Variants in LRRK2 observed in about 807,000 individuals in gnomAD.
The protein encoded by LRRK2 is leucine rich repeat kinase 2.
In LRRK2, 203 loss-of-function variants were observed where a neutral mutation model predicts 302.6. The ratio of observed to expected loss-of-function variants is 0.67; its 90% CI spans 0.60 to 0.75. The LOEUF is 0.75. Among genes scored for constraint, LRRK2 ranks in the 30% least tolerant of loss-of-function variants. The pLI is 0.00. For missense variants in LRRK2, 2,830 were observed against 2,951.0 expected (o/e 0.96, Z 0.95); for synonymous variants, 1,066 against 1,031.9 (o/e 1.03, Z -0.63).
chr12:40,243,031 A>C (rs1307201282), intron 6 of LRRK2, among the ~76,000 whole-genome samples: 3 of 151,580 alleles, frequency 2.0e-5, no homozygotes, highest in Non-Finnish European at 2.9e-5. Context: ...TTTACCAACA[A>C]GAAAACTGAC....
intron 46 of LRRK2, among the ~76,000 whole-genome samples, chr12:40,356,555 T>C (rs370670879): frequency 6.6e-6 from 1 of 152,206 alleles, no homozygotes; most frequent in African/African-American, 2.4e-5. Flanking sequence ...TTCTTAAGCA[T>C]TGAAGAAATC....
chr12:40,275,101 A>T, intron 16 of LRRK2, 108 bp downstream of exon 16: 1 of 1,201,654 alleles, frequency 8.3e-7, no homozygotes, highest in Non-Finnish European at 1.2e-6. Flanking sequence ...GTTAATGGAA[A>T]ACCATTTATC....
At position 40,275,035 on chromosome 12, in the gene LRRK2, A is replaced by T; in HGVS notation, c.1941+42A>T. 4 of 1,611,760 alleles carry T rather than the reference A, an allele frequency of 2.5e-6. No individual in the cohort carries two copies. The South Asian group carries it at 3.3e-5, about 13-fold the overall frequency. ...GGAAAGAATTTGGGAACTTGTGCGA[A>T]TTTCACTTTTGGAGCAGTTTGTGTA... On this transcript the variant is annotated intron_variant, in intron 16 of 50. Transcript: ENST00000298910.
In LRRK2 at chr12:40,350,249, TG is replaced by T. The variant is rs576840022; in HGVS notation, c.6382-1287del. Among the ~76,000 whole-genome samples the T allele has an allele frequency of 1.1e-4, 16 of 152,304 alleles. 1 individual carries two copies. The East Asian group carries it at 3.1e-3, about 29-fold the overall frequency. The stretch of plus-strand genomic sequence containing the variant: ...GCCCTAGACTCCAACTTCTCTCCCA[TG>T]GGCCCCACAAAGCATCCAAGAGTAT... On this transcript the variant is annotated intron_variant, in intron 43 of 50. Transcript: ENST00000298910.
chr12:40,236,989 G>A (rs945352966), intron 4 of LRRK2, among the ~76,000 whole-genome samples: 51 of 152,126 alleles, frequency 3.4e-4, no homozygotes, highest in African/African-American at 1.1e-3. Context: ...TCCTATTCCA[G>A]TATTATTATT....
At chr12:40,323,499 A>T (rs1397246520) in intron 38 of LRRK2, among the ~76,000 whole-genome samples, 193 bp downstream of exon 38, 2 of 152,136 alleles carry the variant, frequency 1.3e-5, no homozygotes, top group Non-Finnish European at 2.9e-5. Flanking sequence ...GCACATAATC[A>T]TGTAGACTAG....
intron 38 of LRRK2, among the ~76,000 whole-genome samples, chr12:40,324,430 G>C (rs956876220): frequency 6.6e-6 from 1 of 152,098 alleles, no homozygotes; most frequent in African/African-American, 2.4e-5. Context: ...TTAACTGTAG[G>C]CTGACATACT....
In LRRK2 at chr12:40,309,043, T is replaced by G. The variant is rs556436418; in HGVS notation, c.4190-63T>G. On this transcript the variant is annotated intron_variant, in intron 29 of 50. Coordinates refer to ENST00000298910, the MANE Select transcript of LRRK2 (RefSeq NM_198578.4). ...AGTATTATTCTCCCAGATTTTTTTTTAAAAAAGGATTCTTGCCTGTCGTTT... is the reference window on the plus strand; with the variant it reads ...AGTATTATTCTCCCAGATTTTTTTTGAAAAAAGGATTCTTGCCTGTCGTTT... 18 of 1,432,290 alleles carry G rather than the reference T, an allele frequency of 1.3e-5. No homozygotes were observed. The South Asian group carries it at 1.8e-4, about 15-fold the overall frequency. 88.7% of individuals were successfully genotyped at this position (1,432,290 alleles called of 1,614,324 possible).
chr12:40,277,426 C>A (rs544599904), intron 16 of LRRK2, among the ~76,000 whole-genome samples: 1 of 152,082 alleles, frequency 6.6e-6, no homozygotes, highest in African/African-American at 2.4e-5. Flanking sequence ...ATAAACATTT[C>A]GGAAGACAGC....
intron 14 of LRRK2, among the ~76,000 whole-genome samples, chr12:40,266,455 C>A (rs948202807): frequency 6.6e-6 from 1 of 152,148 alleles, no homozygotes; most frequent in African/African-American, 2.4e-5. Flanking sequence ...CAATGATATA[C>A]CATCTCACAC....
At chr12:40,342,817 A>G (rs915816396) in intron 41 of LRRK2, among the ~76,000 whole-genome samples, 1 of 152,144 alleles carries the variant, frequency 6.6e-6, no homozygotes, top group Admixed American at 6.5e-5. Context: ...TTTTGGGTGT[A>G]TTTTTATACT....
intron 14 of LRRK2, among the ~76,000 whole-genome samples, chr12:40,264,695 C>T (rs536373972): frequency 7.9e-5 from 12 of 152,214 alleles, no homozygotes; most frequent in South Asian, 4.1e-4. Context: ...CATTGTTCTC[C>T]GGAGAAATAA....
intron 41 of LRRK2, among the ~76,000 whole-genome samples, chr12:40,341,441 A>G (rs1289729894): frequency 6.6e-6 from 1 of 152,200 alleles, no homozygotes; most frequent in Non-Finnish European, 1.5e-5. Context: ...CTCCAAATAC[A>G]TATATACTCT....
At chr12:40,254,335 C>G (rs1321295899) in intron 11 of LRRK2, among the ~76,000 whole-genome samples, 1 of 152,112 alleles carries the variant, frequency 6.6e-6, no homozygotes, top group East Asian at 1.9e-4. Flanking sequence ...AGAGGAAAAT[C>G]ATTTCTTCTT....
intron 20 of LRRK2, among the ~76,000 whole-genome samples, chr12:40,292,468 T>G (rs1409686346): frequency 6.6e-6 from 1 of 151,930 alleles, no homozygotes; most frequent in African/African-American, 2.4e-5. Flanking sequence ...ACAAATAATG[T>G]GCTAATAGAC....
chr12:40,234,977 A>G (rs1351861850), intron 3 of LRRK2, among the ~76,000 whole-genome samples: 2 of 152,182 alleles, frequency 1.3e-5, no homozygotes, highest in Non-Finnish European at 2.9e-5. Flanking sequence ...AACTTTTTAA[A>G]TGAGACACAT....
rs79805220 is a variant in LRRK2, at chr12:40,351,502, C to T, written c.6382-37C>T. Reference sequence around the variant, plus strand: ...ATTTTTCAAGGGAAATGAGTTAACTCGATAAGTACTGTTTTGTTATCTTTA... The same window carrying T: ...ATTTTTCAAGGGAAATGAGTTAACTTGATAAGTACTGTTTTGTTATCTTTA... On this transcript the variant is annotated intron_variant, in intron 43 of 50. Transcript: ENST00000298910. 3,430 of 1,594,322 alleles carry T rather than the reference C, an allele frequency of 2.2e-3. 69 individuals carry two copies. In the African/African-American group the frequency reaches 0.041, roughly 19 times the overall value.
At chr12:40,264,648 A>AACAGT (rs1351181910) in intron 14 of LRRK2, among the ~76,000 whole-genome samples, 4 of 152,106 alleles carry the variant, frequency 2.6e-5, no homozygotes, top group South Asian at 4.1e-4. Context: ...GACAAACAAA[A>AACAGT]ACAGTAAAGT....
chr12:40,317,801 T>C (rs1353726812), intron 33 of LRRK2, among the ~76,000 whole-genome samples: 1 of 152,086 alleles, frequency 6.6e-6, no homozygotes, highest in Non-Finnish European at 1.5e-5. Flanking sequence ...GTCAAGATAA[T>C]GTTGCAGATT....
Sources: allele counts gnomAD v4.1 joint callset (sites outside exome capture counted in the v4.1 genomes callset), GRCh38; gene constraint gnomAD v4.1.1; transcripts MANE v1.5; gene names NCBI Gene and HGNC (gene_info 2026-07-23, HGNC 2026-07-21).